Variants in NRG1 observed in about 807,000 individuals in gnomAD.
NRG1 encodes the protein pro-neuregulin-1, membrane-bound isoform.
A neutral mutation model predicts 63.8 loss-of-function variants in NRG1; 18 were observed. The observed-to-expected ratio is 0.28, with a 90% CI of 0.19 to 0.42. NRG1 has a LOEUF of 0.42. Ranked by LOEUF, NRG1 falls within the 10% of genes least tolerant of loss-of-function variation. NRG1 has a pLI of 1.00. For synonymous variants in NRG1, 302 were observed against 301.3 expected (o/e 1.00, Z -0.02); for missense variants, 762 against 814.7 (o/e 0.94, Z 0.79).
chr8:32,604,505 T>C (rs1416330971), intron 2 of NRG1, among the ~76,000 whole-genome samples: 1 of 152,204 alleles, frequency 6.6e-6, no homozygotes, highest in African/African-American at 2.4e-5. Context: ...CCCTTGTCGT[T>C]ATCCCCTTAA....
intron 8 of NRG1, among the ~76,000 whole-genome samples, chr8:32,754,688 G>T (rs1015590624): frequency 6.6e-6 from 1 of 152,100 alleles, no homozygotes; most frequent in Non-Finnish European, 1.5e-5. Context: ...AAAGATTTCT[G>T]TTCAATGACC....
intron 1 of NRG1, among the ~76,000 whole-genome samples, chr8:32,032,273 T>G (rs889665342): frequency 1.3e-5 from 2 of 152,186 alleles, no homozygotes; most frequent in Non-Finnish European, 2.9e-5. Flanking sequence ...TTATTTTCTT[T>G]TTTTTGAGAC....
At chr8:32,424,309 T>C (rs1563445950) in intron 1 of NRG1, among the ~76,000 whole-genome samples, 1 of 152,102 alleles carries the variant, frequency 6.6e-6, no homozygotes, top group Non-Finnish European at 1.5e-5. Context: ...CTGAAAGCAC[T>C]CACCCTGGGC....
intron 1 of NRG1, among the ~76,000 whole-genome samples, chr8:32,242,925 A>T (rs1201245979): frequency 6.6e-6 from 1 of 152,170 alleles, no homozygotes; most frequent in Non-Finnish European, 1.5e-5. Context: ...CAAACAACAG[A>T]AATGCATTGT....
At chr8:32,364,189 T>C (rs1365771528) in intron 1 of NRG1, among the ~76,000 whole-genome samples, 1 of 149,116 alleles carries the variant, frequency 6.7e-6, no homozygotes, top group African/African-American at 2.5e-5. Flanking sequence ...CTAAGATAGA[T>C]GATTGATAGA....
At chr8:31,707,707 A>C (rs114694435) in intron 1 of NRG1, among the ~76,000 whole-genome samples, 1 of 151,954 alleles carries the variant, frequency 6.6e-6, no homozygotes, top group Non-Finnish European at 1.5e-5. Context: ...TATCAGCTTT[A>C]TCTCTTGGTA....
At chr8:32,705,378 G>A (rs1202957653) in intron 5 of NRG1, among the ~76,000 whole-genome samples, 3 of 152,066 alleles carry the variant, frequency 2.0e-5, no homozygotes, top group African/African-American at 4.8e-5. Context: ...TGATCTGCCC[G>A]CCTCGGCCTC....
rs560362417 is a variant in NRG1, at chr8:31,773,123, T to G, written c.37+133692T>G. Among the ~76,000 whole-genome samples, 84 of 152,254 alleles carry G rather than the reference T, an allele frequency of 5.5e-4. 1 individual carries two copies. The highest frequency in any genetic ancestry group is 3.4e-3 in the Middle Eastern group (1 of 294). On this transcript the variant is annotated intron_variant, in intron 1 of 10. Coordinates refer to the NRG1 transcript ENST00000519301. ...AAAGTTTAGGGTTGTGGAACCTATT[T>G]TTATAGCAAGACAAACTTGCTCTGG... is the stretch of plus-strand genomic sequence containing the variant.
chr8:32,530,903 C>G (rs1316046855), intron 1 of NRG1, among the ~76,000 whole-genome samples: 1 of 152,070 alleles, frequency 6.6e-6, no homozygotes, highest in African/African-American at 2.4e-5. Flanking sequence ...ACCAGCCTGA[C>G]CAACATGGTG....
intron 5 of NRG1, among the ~76,000 whole-genome samples, chr8:32,658,790 G>A (rs185386714): frequency 6.6e-6 from 1 of 152,158 alleles, no homozygotes; most frequent in Non-Finnish European, 1.5e-5. Flanking sequence ...CTGGTCTCCT[G>A]CAGGTTTAAA....
chr8:31,920,018 A>G (rs1193069144), intron 1 of NRG1, among the ~76,000 whole-genome samples: 3 of 152,178 alleles, frequency 2.0e-5, no homozygotes, highest in Non-Finnish European at 4.4e-5. Flanking sequence ...TAGAATGGGA[A>G]GAACTATTTG....
intron 1 of NRG1, among the ~76,000 whole-genome samples, chr8:31,755,079 A>G (rs948173662): frequency 6.6e-6 from 1 of 151,996 alleles, no homozygotes; most frequent in African/African-American, 2.4e-5. Context: ...CCTCACACTT[A>G]TAACTACTTC....
intron 1 of NRG1, among the ~76,000 whole-genome samples, chr8:32,323,935 T>C (rs1801708522): frequency 6.6e-6 from 1 of 152,164 alleles, no homozygotes; most frequent in Non-Finnish European, 1.5e-5. Flanking sequence ...TAACTGCTGA[T>C]TCCAAAAATG....
rs1350796199 is a variant in NRG1, at chr8:32,648,169, G to C, written c.502+31284G>C. The C allele has an allele frequency of 9.3e-6, 15 of 1,614,126 alleles. No individual in the cohort carries two copies. In the South Asian group the frequency reaches 1.6e-4, roughly 18 times the overall value. On this transcript the variant is annotated intron_variant, in intron 5 of 11. Transcript: ENST00000356819. Reference sequence around the variant, plus strand: ...CCTGTCTCTAGGGCTCAATCTGAAAGTGAGGTTCAAGTTACAGTGCAAGGT... The same window carrying C: ...CCTGTCTCTAGGGCTCAATCTGAAACTGAGGTTCAAGTTACAGTGCAAGGT...
At chr8:31,698,319 G>A (rs1810295080) in intron 1 of NRG1, among the ~76,000 whole-genome samples, 1 of 152,136 alleles carries the variant, frequency 6.6e-6, no homozygotes, top group African/African-American at 2.4e-5. Flanking sequence ...CTCATGACAA[G>A]GACCAATTGT....
chr8:32,028,150 A>G (rs1817745830), intron 1 of NRG1, among the ~76,000 whole-genome samples: 1 of 152,162 alleles, frequency 6.6e-6, no homozygotes, highest in African/African-American at 2.4e-5. Context: ...ATTTTCACCC[A>G]AATCTTTAAG....
At chr8:32,534,787 T>A (rs1831790152) in intron 1 of NRG1, among the ~76,000 whole-genome samples, 3 of 152,158 alleles carry the variant, frequency 2.0e-5, no homozygotes, top group Admixed American at 2.0e-4. Context: ...GAATTCAGGC[T>A]CAATTTATCT....
intron 1 of NRG1, among the ~76,000 whole-genome samples, chr8:32,584,007 A>G (rs1019115388): frequency 2.0e-5 from 3 of 152,278 alleles, no homozygotes; most frequent in Admixed American, 6.5e-5. Context: ...GCTCACTTTC[A>G]CTTTCAAAAG....
chr8:31,652,954 TCTCTC>T (rs149262363), intron 1 of NRG1, among the ~76,000 whole-genome samples: 270 of 22,426 alleles, frequency 0.012, 8 homozygotes, highest in African/African-American at 0.034. Flanking sequence ...CTTCCTCTCT[TCTCTC>T]CTCTCCTCTC....
Sources: gnomAD v4.1 joint callset for allele counts (sites outside exome capture counted in the v4.1 genomes callset) on GRCh38, gnomAD v4.1.1 for gene constraint, MANE v1.5 for transcripts, NCBI Gene and HGNC (gene_info 2026-07-23, HGNC 2026-07-21) for gene names.